The following TWIST2 variants were observed in gnomAD, a reference collection of about 807,000 sequenced individuals.
The protein encoded by TWIST2 is twist family bHLH transcription factor 2.
In TWIST2, 1 loss-of-function variant was observed where a neutral mutation model predicts 11.6. The ratio of observed to expected loss-of-function variants is 0.09; its 90% CI spans 0.03 to 0.41. The LOEUF (loss-of-function observed/expected upper bound fraction) is 0.41, where lower values mean the gene tolerates loss of function less well. TWIST2 is among the 10% of genes least tolerant of loss of function. The probability of loss-of-function intolerance (pLI) is 0.98; values close to 1 mark genes in which losing one functional copy is unlikely to be tolerated. For synonymous variants in TWIST2, 87 were observed against 96.6 expected (o/e 0.90, Z 0.58); for missense variants, 168 against 226.4 (o/e 0.74, Z 1.66).
intron 1 of TWIST2, among the ~76,000 whole-genome samples, chr2:238,900,223 G>A (rs1025115215): frequency 6.6e-5 from 10 of 152,292 alleles, no homozygotes; most frequent in African/African-American, 1.9e-4. Flanking sequence ...GACAGCATGA[G>A]AATTAAGAGT....
Position 238,899,840 on chromosome 2 carries a change from C to T in TWIST2, c.*36-10002C>T, listed in dbSNP as rs1000542493. 9.2e-5 allele frequency among the ~76,000 whole-genome samples: 14 copies of T among 152,110 alleles called. No individual in the cohort carries two copies. In the South Asian group the frequency reaches 2.1e-3, roughly 23 times the overall value. The stretch of plus-strand genomic sequence containing the variant: ...ATGCCGTCAGGACAGGTGTCCAAAC[C>T]GTGTCATCTTTTTATGAAGGATGCT... On this transcript the variant is annotated intron_variant, in intron 1 of 1. Coordinates refer to ENST00000612363, the MANE Select transcript of TWIST2 (RefSeq NM_001271893.4).
chr2:238,870,843 C>T lies in TWIST2; in HGVS notation c.*35+22110C>T, dbSNP rs1196319892. Among the ~76,000 whole-genome samples the T allele has an allele frequency of 7.9e-5, 4 of 50,892 alleles. 1 individual carries two copies. Among genetic ancestry groups the T allele is most frequent in the African/African-American group, 3.0e-4 (3 of 10,134 alleles). 33.4% of individuals were successfully genotyped at this position (50,892 alleles called of 152,430 possible). On this transcript the variant is annotated intron_variant, in intron 1 of 1. Coordinates refer to ENST00000612363, the MANE Select transcript of TWIST2 (RefSeq NM_001271893.4). ...ACCCCACACACACCACACCCCCACA[C>T]GCCACACACACACCTTACCCCACAC...
intron 1 of TWIST2, among the ~76,000 whole-genome samples, chr2:238,883,467 G>A (rs947817230): frequency 1.3e-5 from 2 of 152,162 alleles, no homozygotes; most frequent in Admixed American, 1.3e-4. Flanking sequence ...GAAAAATAAG[G>A]GAAGAAAAAA....
intron 1 of TWIST2, among the ~76,000 whole-genome samples, chr2:238,871,162 C>A (rs951878283): frequency 6.2e-4 from 5 of 8,060 alleles, no homozygotes; most frequent in South Asian, 8.3e-3. Context: ...CACCACACAC[C>A]CCACACACAC....
At chr2:238,850,076 A>C (rs1692218597) in intron 1 of TWIST2, among the ~76,000 whole-genome samples, 1 of 152,230 alleles carries the variant, frequency 6.6e-6, no homozygotes, top group Non-Finnish European at 1.5e-5. Context: ...TGCTGAGGCC[A>C]CGAAAAGCTG....
chr2:238,892,403 A>G (rs1251238843), intron 1 of TWIST2, among the ~76,000 whole-genome samples: 3 of 152,260 alleles, frequency 2.0e-5, no homozygotes, highest in African/African-American at 7.2e-5. Flanking sequence ...TCGCCTGTCC[A>G]GCCTGGGCTG....
intron 1 of TWIST2, among the ~76,000 whole-genome samples, chr2:238,858,209 C>T (rs1198048426): frequency 6.6e-6 from 1 of 152,208 alleles, no homozygotes. Flanking sequence ...TCCCTGGGCG[C>T]ATCCACCGGG....
chr2:238,878,210 C>T (rs374714672), intron 1 of TWIST2, among the ~76,000 whole-genome samples: 8 of 152,180 alleles, frequency 5.3e-5, no homozygotes, highest in South Asian at 2.1e-4. Context: ...TCCCTGTCCA[C>T]GCACCAGCAA....
At chr2:238,882,830 A>G (rs1012891966) in intron 1 of TWIST2, among the ~76,000 whole-genome samples, 4 of 152,134 alleles carry the variant, frequency 2.6e-5, no homozygotes, top group East Asian at 1.9e-4. Flanking sequence ...GCTTCTTTCA[A>G]CAAAGTCAAA....
chr2:238,888,929 C>T (rs1183052633), intron 1 of TWIST2, among the ~76,000 whole-genome samples: 1 of 152,150 alleles, frequency 6.6e-6, no homozygotes, highest in African/African-American at 2.4e-5. Context: ...CAATGACTGT[C>T]CAGGCTGATT....
At chr2:238,907,793 CAT>C (rs1278004750) in intron 1 of TWIST2, among the ~76,000 whole-genome samples, 3 of 151,412 alleles carry the variant, frequency 2.0e-5, no homozygotes, top group Non-Finnish European at 2.9e-5. Context: ...CACTTACACA[CAT>C]AAACACACAC....
In TWIST2 at chr2:238,892,396, C is replaced by T. The variant is rs140075771; in HGVS notation, c.*36-17446C>T. The stretch of plus-strand genomic sequence containing the variant: ...CACCAGCCAGGACCTTCCCCAGTCG[C>T]CTGTCCAGCCTGGGCTGTTCACTCA... On this transcript the variant is annotated intron_variant, in intron 1 of 1. Coordinates refer to ENST00000612363, the MANE Select transcript of TWIST2 (RefSeq NM_001271893.4). 6.5e-3 allele frequency among the ~76,000 whole-genome samples: 993 copies of T among 152,380 alleles called. 46 individuals are homozygous for T. The highest frequency in any genetic ancestry group is 0.056 in the Admixed American group (862 of 15,308).
intron 1 of TWIST2, among the ~76,000 whole-genome samples, chr2:238,853,741 G>C (rs1480233793): frequency 3.9e-5 from 6 of 152,148 alleles, no homozygotes; most frequent in African/African-American, 1.4e-4. Context: ...TCTGAAATTG[G>C]AAAAGCCAAC....
In TWIST2 at chr2:238,889,144, CA is replaced by C. The variant is rs369696751; in HGVS notation, c.*36-20694del. The stretch of plus-strand genomic sequence containing the variant: ...TGAAGGCAATCTTAGAAGTCCAGCC[CA>C]AAAGAAGAGCCAGGTTTGATTGGAC... On this transcript the variant is annotated intron_variant, in intron 1 of 1. Transcript: ENST00000612363. 1.8e-4 allele frequency among the ~76,000 whole-genome samples: 28 copies of C among 152,234 alleles called. No homozygotes were observed. The East Asian group carries it at 3.5e-3, about 19-fold the overall frequency.
chr2:238,891,647 G>C (rs894613966), intron 1 of TWIST2, among the ~76,000 whole-genome samples: 2 of 152,164 alleles, frequency 1.3e-5, no homozygotes, highest in African/African-American at 4.8e-5. Flanking sequence ...AAAGGCAGGT[G>C]GGGGCCTTGA....
At chr2:238,903,056 GTGTGTGATGTA>G (rs1419662153) in intron 1 of TWIST2, among the ~76,000 whole-genome samples, 3 of 128,834 alleles carry the variant, frequency 2.3e-5, no homozygotes, top group African/African-American at 9.1e-5. Flanking sequence ...TGTGTGATGT[GTGTGTGATGTA>G]GTGTGTGTGA....
Position 238,870,113 on chromosome 2 carries a change from C to T in TWIST2, c.*35+21380C>T, listed in dbSNP as rs552547722. Among the ~76,000 whole-genome samples, 494 of 138,420 alleles carry T rather than the reference C, an allele frequency of 3.6e-3. 9 individuals carry two copies. Among genetic ancestry groups the T allele is most frequent in the Non-Finnish European group, 5.1e-3 (326 of 63,742 alleles). 90.8% of individuals were successfully genotyped at this position (138,420 alleles called of 152,430 possible). ...AAAACGTGGTGTGTACACAGACACA[C>T]CATACACCCCCCACACACACACCAC... is the stretch of plus-strand genomic sequence containing the variant. On this transcript the variant is annotated intron_variant, in intron 1 of 1. Coordinates refer to ENST00000612363, the MANE Select transcript of TWIST2 (RefSeq NM_001271893.4).
At chr2:238,859,639 G>A (rs1692395626) in intron 1 of TWIST2, among the ~76,000 whole-genome samples, 1 of 151,688 alleles carries the variant, frequency 6.6e-6, no homozygotes, top group South Asian at 2.1e-4. Flanking sequence ...TTCAGTTGGG[G>A]GTGGAGGGGC....
chr2:238,902,980 GGTGTGT>G (rs1693294062), intron 1 of TWIST2, among the ~76,000 whole-genome samples: 1 of 35,778 alleles, frequency 2.8e-5, no homozygotes, highest in Non-Finnish European at 5.0e-5. Context: ...GTGTGATGTG[GGTGTGT>G]GATGGGTATG....
Sources: allele counts gnomAD v4.1 joint callset (sites outside exome capture counted in the v4.1 genomes callset), GRCh38; gene constraint gnomAD v4.1.1; transcripts MANE v1.5; gene names NCBI Gene and HGNC (gene_info 2026-07-23, HGNC 2026-07-21).